Variants in ATP8B4 observed in about 807,000 individuals in gnomAD.
ATP8B4 encodes the protein ATPase phospholipid transporting 8B4 (putative).
In ATP8B4, 133 loss-of-function variants were observed where a neutral mutation model predicts 145.6. The observed-to-expected ratio is 0.91, with a 90% CI of 0.79 to 1.05. The LOEUF (loss-of-function observed/expected upper bound fraction) is 1.05. Ranked by LOEUF, ATP8B4 falls within the 50% of genes least tolerant of loss-of-function variation. The pLI is 0.00. For synonymous variants in ATP8B4, 507 were observed against 492.9 expected (o/e 1.03, Z -0.38); for missense variants, 1,458 against 1,425.2 (o/e 1.02, Z -0.37).
intron 23 of ATP8B4, among the ~76,000 whole-genome samples, chr15:49,888,257 T>C (rs2036428360): frequency 6.6e-6 from 1 of 152,148 alleles, no homozygotes; most frequent in Non-Finnish European, 1.5e-5. Flanking sequence ...CCATGCCAGG[T>C]GGAGACGGGC....
chr15:49,921,299 T>C (rs899206335), intron 17 of ATP8B4, among the ~76,000 whole-genome samples: 1 of 152,208 alleles, frequency 6.6e-6, no homozygotes, highest in African/African-American at 2.4e-5. Flanking sequence ...AAAAAGGTAT[T>C]ATTTTTTAGA....
chr15:49,864,488 C>T (rs1299745995), intron 26 of ATP8B4, among the ~76,000 whole-genome samples: 1 of 152,186 alleles, frequency 6.6e-6, no homozygotes, highest in Non-Finnish European at 1.5e-5. Flanking sequence ...CGGTTAGCAG[C>T]TTATTTCACA....
chr15:50,047,340 C>G lies in ATP8B4; in HGVS notation c.201+11G>C. On this transcript the variant is annotated intron_variant, in intron 4 of 27. Coordinates refer to ENST00000284509, the MANE Select transcript of ATP8B4 (RefSeq NM_024837.4). The stretch of plus-strand genomic sequence containing the variant: ...CAAACAGATAATAGAGAAATACAAC[C>G]TAAATATTACCTGTAAAATCAGAAG... The G allele has an allele frequency of 6.8e-7, 1 of 1,473,280 alleles. No homozygotes were observed. The highest frequency in any genetic ancestry group is 9.5e-7 in the Non-Finnish European group (1 of 1,054,836). 91.3% of individuals were successfully genotyped at this position (1,473,280 alleles called of 1,614,324 possible).
chr15:50,073,011 TATATATATACACACAC>T lies in ATP8B4; in HGVS notation c.87+1100_87+1115del, dbSNP rs1205588123. Among the ~76,000 whole-genome samples, 281 of 44,784 alleles carry T rather than the reference TATATATATACACACAC, an allele frequency of 6.3e-3. 8 individuals carry two copies. Among genetic ancestry groups the T allele is most frequent in the East Asian group, 0.011 (13 of 1,234 alleles). 29.4% of individuals were successfully genotyped at this position (44,784 alleles called of 152,430 possible). A position where few individuals can be genotyped will look rare whatever the true frequency, so the allele number is the denominator to read the frequency against. On this transcript the variant is annotated intron_variant, in intron 3 of 27. Coordinates refer to ENST00000284509, the MANE Select transcript of ATP8B4 (RefSeq NM_024837.4). ...ATATATATATATATATATATATATA[TATATATATACACACAC>T]ACACACACACACACACACACACACA...
chr15:50,004,412 G>A (rs1567181635), intron 7 of ATP8B4, among the ~76,000 whole-genome samples: 1 of 152,140 alleles, frequency 6.6e-6, no homozygotes, highest in South Asian at 2.1e-4. Flanking sequence ...GCCAGGAGTG[G>A]AGCAACCCAT....
chr15:50,052,768 T>C (rs992576438), intron 3 of ATP8B4, among the ~76,000 whole-genome samples: 2 of 152,170 alleles, frequency 1.3e-5, no homozygotes, highest in Non-Finnish European at 2.9e-5. Flanking sequence ...CCTATGAGGC[T>C]GGACTGCAGA....
At chr15:49,870,467 T>C (rs532696536) in intron 25 of ATP8B4, among the ~76,000 whole-genome samples, 138 of 152,294 alleles carry the variant, frequency 9.1e-4, no homozygotes, top group Middle Eastern at 3.4e-3. Flanking sequence ...AAATACTTTT[T>C]TAAAAAAACA....
intron 3 of ATP8B4, among the ~76,000 whole-genome samples, chr15:50,070,150 C>T (rs1201707233): frequency 6.6e-6 from 1 of 152,140 alleles, no homozygotes; most frequent in Non-Finnish European, 1.5e-5. Context: ...ATCATTATCA[C>T]TATCTTTATT....
intron 1 of ATP8B4, among the ~76,000 whole-genome samples, chr15:50,124,407 T>G (rs1247069120): frequency 6.6e-6 from 1 of 152,154 alleles, no homozygotes; most frequent in Non-Finnish European, 1.5e-5. Context: ...CAATTAAGTT[T>G]TACTTATTAC....
At position 49,966,156 on chromosome 15, in the gene ATP8B4, C is replaced by G. The variant is rs1000839957; in HGVS notation, c.1244-4136G>C. 1.4e-4 allele frequency among the ~76,000 whole-genome samples: 22 copies of G among 152,202 alleles called. 1 individual carries two copies. The highest frequency in any genetic ancestry group is 5.3e-4 in the African/African-American group (22 of 41,458). The stretch of plus-strand genomic sequence containing the variant: ...AGGAGATTCCCGCAGGTGCCTACAC[C>G]ACCAGGGCCCTGGGTTTCAAGCACA... On this transcript the variant is annotated intron_variant, in intron 13 of 27. Coordinates refer to ENST00000284509, the MANE Select transcript of ATP8B4 (RefSeq NM_024837.4).
In ATP8B4 at chr15:50,018,817, C is replaced by T. The variant is rs1038519649; in HGVS notation, c.363-7900G>A. Reference sequence around the variant, plus strand: ...AATTTAACATCACGTCAACAGATTTCAGTCAGGATTTATTTATAATCATGG... The same window carrying T: ...AATTTAACATCACGTCAACAGATTTTAGTCAGGATTTATTTATAATCATGG... On this transcript the variant is annotated intron_variant, in intron 6 of 27. Transcript: ENST00000284509. 16 of 703,124 alleles carry T rather than the reference C, an allele frequency of 2.3e-5. No individual in the cohort carries two copies. In the Admixed American group the frequency reaches 4.0e-4, roughly 17 times the overall value. The allele number at this position is 703,124 out of a possible 1,614,324, so 43.6% of individuals were successfully genotyped here.
intron 2 of ATP8B4, among the ~76,000 whole-genome samples, chr15:50,093,598 A>G (rs2055752518): frequency 6.6e-6 from 1 of 152,078 alleles, no homozygotes. Context: ...AAAGAAAATC[A>G]ATGAATAACA....
At chr15:49,906,298 G>A (rs1463135835) in intron 20 of ATP8B4, among the ~76,000 whole-genome samples, 2 of 152,164 alleles carry the variant, frequency 1.3e-5, no homozygotes, top group African/African-American at 4.8e-5. Context: ...TAAAAACTAT[G>A]CGTATGTGTA....
intron 6 of ATP8B4, among the ~76,000 whole-genome samples, chr15:50,013,836 G>T (rs2048889488): frequency 6.6e-6 from 1 of 152,084 alleles, no homozygotes; most frequent in Non-Finnish European, 1.5e-5. Flanking sequence ...TTGATAAACT[G>T]GTCTGAACCT....
intron 5 of ATP8B4, among the ~76,000 whole-genome samples, chr15:50,040,609 C>A (rs534344406): frequency 9.9e-5 from 15 of 152,116 alleles, no homozygotes; most frequent in Non-Finnish European, 1.9e-4. Flanking sequence ...TCATGTAAAT[C>A]CCCTAAATTG....
At chr15:49,993,985 T>G (rs1366872927) in intron 9 of ATP8B4, among the ~76,000 whole-genome samples, 1 of 152,186 alleles carries the variant, frequency 6.6e-6, no homozygotes, top group African/African-American at 2.4e-5. Flanking sequence ...AAGTAATAAT[T>G]ATTAACACAC....
chr15:49,960,251 T>C (rs1389818122), intron 14 of ATP8B4, among the ~76,000 whole-genome samples: 1 of 152,190 alleles, frequency 6.6e-6, no homozygotes, highest in East Asian at 1.9e-4. Flanking sequence ...GGCCTTGAAC[T>C]CTTGACCTCA....
chr15:50,069,382 T>C (rs1319175013), intron 3 of ATP8B4, among the ~76,000 whole-genome samples: 3 of 152,242 alleles, frequency 2.0e-5, no homozygotes, highest in African/African-American at 7.2e-5. Context: ...TTAGAGTTTG[T>C]TGATAAATGA....
intron 2 of ATP8B4, among the ~76,000 whole-genome samples, chr15:50,105,880 AATCTT>A (rs2153667392): frequency 6.6e-6 from 1 of 152,300 alleles, no homozygotes; most frequent in African/African-American, 2.4e-5. Flanking sequence ...AAAGTCAGTT[AATCTT>A]ATCTTCACAC....
Sources: allele counts gnomAD v4.1 joint callset (sites outside exome capture counted in the v4.1 genomes callset), GRCh38; gene constraint gnomAD v4.1.1; transcripts MANE v1.5; gene names NCBI Gene and HGNC (gene_info 2026-07-23, HGNC 2026-07-21).